The following SRGAP3 variants were observed in gnomAD, a reference collection of about 807,000 sequenced individuals.
SRGAP3 encodes SLIT-ROBO Rho GTPase-activating protein 3.
A neutral mutation model predicts 121.1 loss-of-function variants in SRGAP3; 39 were observed. The observed-to-expected ratio is 0.32, with a 90% confidence interval of 0.25 to 0.42. The LOEUF is 0.42. Among genes scored for constraint, SRGAP3 ranks in the 10% least tolerant of loss-of-function variants. SRGAP3 has a pLI of 1.00. For synonymous variants in SRGAP3, 601 were observed against 570.0 expected, an observed-to-expected ratio of 1.05 and a Z score of -0.77; for missense variants, 1,213 against 1,470.6, an observed-to-expected ratio of 0.82 and a Z score of 2.86.
At chr3:9,177,543 C>T (rs1211515342) in intron 1 of SRGAP3, among the ~76,000 whole-genome samples, 1 of 152,124 alleles carries the variant, frequency 6.6e-6, no homozygotes, top group Non-Finnish European at 1.5e-5. Flanking sequence ...AGGTCCGTGG[C>T]TTTCATGTAT....
chr3:9,205,687 G>A (rs906703795), intron 1 of SRGAP3, among the ~76,000 whole-genome samples: 2 of 152,182 alleles, frequency 1.3e-5, no homozygotes. Context: ...ACAGAATGCA[G>A]GTGCATTATT....
chr3:9,276,169 C>T (rs1389907170), intron 3 of SRGAP3, among the ~76,000 whole-genome samples: 1 of 152,192 alleles, frequency 6.6e-6, no homozygotes, highest in South Asian at 2.1e-4. Flanking sequence ...AAGCCATAGC[C>T]TCCCTTAATC....
At chr3:9,084,223 T>C (rs913903480) in intron 3 of SRGAP3, among the ~76,000 whole-genome samples, 1 of 152,090 alleles carries the variant, frequency 6.6e-6, no homozygotes, top group Admixed American at 6.5e-5. Flanking sequence ...CCTTCCTATT[T>C]CCTAAGAGAG....
intron 3 of SRGAP3, among the ~76,000 whole-genome samples, chr3:9,305,849 G>A (rs978277893): frequency 2.0e-5 from 3 of 152,158 alleles, no homozygotes; most frequent in Non-Finnish European, 4.4e-5. Context: ...TTGCTATTGT[G>A]AATAGTGCCG....
intron 2 of SRGAP3, among the ~76,000 whole-genome samples, chr3:9,117,058 G>A (rs1302401282): frequency 1.3e-5 from 2 of 152,180 alleles, no homozygotes; most frequent in East Asian, 1.9e-4. Context: ...ACACGGTGCT[G>A]AGAGAACAGC....
At chr3:9,005,902 A>T (rs56070836) in intron 18 of SRGAP3, among the ~76,000 whole-genome samples, 32,965 of 152,042 alleles carry the variant, frequency 0.22, 3,704 homozygotes, top group Non-Finnish European at 0.25. Context: ...CACTCAGCTG[A>T]ACACTTTAAA....
chr3:9,044,239 G>A (rs980546296), intron 10 of SRGAP3, among the ~76,000 whole-genome samples: 1 of 152,182 alleles, frequency 6.6e-6, no homozygotes, highest in Non-Finnish European at 1.5e-5. Context: ...TATCTGTGGG[G>A]AATATGTTCC....
At chr3:9,245,795 G>A (rs779461265) in intron 1 of SRGAP3, among the ~76,000 whole-genome samples, 2 of 152,122 alleles carry the variant, frequency 1.3e-5, no homozygotes, top group African/African-American at 2.4e-5. Flanking sequence ...GTGGTGGCAC[G>A]TGCCTGTAAT....
chr3:9,104,687 A>G lies in SRGAP3; in HGVS notation c.416T>C (p.Phe139Ser). 3 of 1,614,168 alleles carry G rather than the reference A, an allele frequency of 1.9e-6. 1 individual carries two copies. In the South Asian group the frequency reaches 3.3e-5, roughly 18 times the overall value. The change falls in exon 3 of 22, where the codon TTC becomes TCC. Residue 139 changes from phenylalanine (F) to serine (S), a missense_variant. Around this residue, in one of 2 missense-constraint regions of SRGAP3, gnomAD observed 793 missense variants for 1,032.9 expected, o/e 0.77. Coordinates refer to ENST00000383836, the MANE Select transcript of SRGAP3 (RefSeq NM_014850.4). The part of the protein sequence containing the change: ...SQISEDVIRL[F>S]KKSKEIGLQM... ...AGCAGCCCACTTGCCTACCTTTTTG[A>G]AGAGTCTGATGACATCCTCACTGAT...
At position 9,173,748 on chromosome 3, in the gene SRGAP3, C is replaced by T. The variant is rs548139176; in HGVS notation, c.68-48831G>A. 6.2e-4 allele frequency among the ~76,000 whole-genome samples: 95 copies of T among 152,066 alleles called. 1 individual carries two copies. The highest frequency in any genetic ancestry group is 1.1e-3 in the Non-Finnish European group (75 of 68,008). On this transcript the variant is annotated intron_variant, in intron 1 of 21. Coordinates refer to ENST00000383836, the MANE Select transcript of SRGAP3 (RefSeq NM_014850.4). ...ACTTCCTGAGACCTGACCATTGTCC[C>T]AGCCACCCACCTCCACCCCTGCCAT...
chr3:8,993,381 A>G (rs1279693949), intron 19 of SRGAP3, among the ~76,000 whole-genome samples: 1 of 152,144 alleles, frequency 6.6e-6, no homozygotes, highest in Admixed American at 6.5e-5. Context: ...GGGGGGATGG[A>G]GTCCGCAGGC....
intron 1 of SRGAP3, among the ~76,000 whole-genome samples, chr3:9,240,591 T>C (rs747322625): frequency 6.6e-6 from 1 of 152,020 alleles, no homozygotes; most frequent in Non-Finnish European, 1.5e-5. Flanking sequence ...ACCAACTAGA[T>C]GGTGGGCACT....
intron 7 of SRGAP3, among the ~76,000 whole-genome samples, chr3:9,057,783 A>C (rs1945897695): frequency 1.3e-5 from 2 of 152,374 alleles, no homozygotes; most frequent in East Asian, 1.9e-4. Flanking sequence ...TGTTTTATTC[A>C]GAATATAACA....
At chr3:9,044,838 C>T (rs1033637955) in intron 10 of SRGAP3, among the ~76,000 whole-genome samples, 1 of 152,138 alleles carries the variant, frequency 6.6e-6, no homozygotes, top group Non-Finnish European at 1.5e-5. Context: ...TCCCTTCTTC[C>T]TTCACCCAAT....
At chr3:9,092,085 A>C (rs1362532503) in intron 3 of SRGAP3, among the ~76,000 whole-genome samples, 1 of 152,072 alleles carries the variant, frequency 6.6e-6, no homozygotes, top group Non-Finnish European at 1.5e-5. Context: ...CCAGGCATGC[A>C]CGGAGGCAGT....
At chr3:9,214,310 G>C (rs1025591021) in intron 1 of SRGAP3, among the ~76,000 whole-genome samples, 1 of 152,150 alleles carries the variant, frequency 6.6e-6, no homozygotes, top group African/African-American at 2.4e-5. Flanking sequence ...TTTAACAATA[G>C]AAACAGTCAT....
intron 3 of SRGAP3, among the ~76,000 whole-genome samples, chr3:9,094,782 G>A (rs967299890): frequency 2.6e-5 from 4 of 152,000 alleles, no homozygotes; most frequent in Admixed American, 6.6e-5. Context: ...CTTAGGCAGG[G>A]TCTTGCTCGG....
chr3:9,082,418 T>C (rs923070056), intron 3 of SRGAP3, among the ~76,000 whole-genome samples: 3 of 152,226 alleles, frequency 2.0e-5, no homozygotes, highest in Admixed American at 1.3e-4. Flanking sequence ...CAGCAAGAGA[T>C]TGCCCTCTAT....
chr3:9,342,418 G>A (rs552255127), intron 1 of SRGAP3, among the ~76,000 whole-genome samples: 52 of 152,022 alleles, frequency 3.4e-4, no homozygotes, highest in African/African-American at 1.2e-3. Context: ...TGACTTTCAC[G>A]GGAATCTGAG....
Sources: gnomAD v4.1 joint callset for allele counts (sites outside exome capture counted in the v4.1 genomes callset) on GRCh38, gnomAD v4.1.1 for gene constraint, gnomAD v4.1.1 regional missense constraint, MANE v1.5 for transcripts, NCBI Gene and HGNC (gene_info 2026-07-23, HGNC 2026-07-21) for gene names.